The following TMPRSS13 variants were observed in gnomAD, a reference collection of about 807,000 sequenced individuals.
The protein encoded by TMPRSS13 is transmembrane protease serine 13.
TMPRSS13 carries 50 observed loss-of-function variants against 68.4 expected under a neutral mutation model. That is an observed-to-expected ratio of 0.73 (90% CI 0.58 to 0.93). The LOEUF is 0.93. Ranked by LOEUF, TMPRSS13 falls within the 40% of genes least tolerant of loss-of-function variation. TMPRSS13 has a pLI of 0.00. For synonymous variants in TMPRSS13, 267 were observed against 285.8 expected, an observed-to-expected ratio of 0.93 and a Z score of 0.66; for missense variants, 615 against 729.2, an observed-to-expected ratio of 0.84 and a Z score of 1.80.
At chr11:117,917,428 T>C (rs1037753324) in intron 2 of TMPRSS13, among the ~76,000 whole-genome samples, 154 bp from the exon 3 acceptor site, 5 of 152,036 alleles carry the variant, frequency 3.3e-5, no homozygotes, top group Admixed American at 2.6e-4. Context: ...TCAAAGTCAA[T>C]TGAATGAATG....
intron 1 of TMPRSS13, among the ~76,000 whole-genome samples, chr11:117,926,568 G>A (rs1465648553): frequency 6.6e-6 from 1 of 152,234 alleles, no homozygotes; most frequent in Non-Finnish European, 1.5e-5. Flanking sequence ...TCATCAATGG[G>A]TCTAATTCAG....
At chr11:117,918,961 C>T (rs1565352571) in intron 1 of TMPRSS13, 123 bp from the exon 2 acceptor site, 34 of 1,353,352 alleles carry the variant, frequency 2.5e-5, no homozygotes, top group South Asian at 8.2e-5. Flanking sequence ...CAAAGCCCCC[C>T]GGACAAGGAA....
At chr11:117,925,221 G>T (rs1321194633) in intron 1 of TMPRSS13, among the ~76,000 whole-genome samples, 1 of 152,150 alleles carries the variant, frequency 6.6e-6, no homozygotes, top group Admixed American at 6.5e-5. Flanking sequence ...TTCATACAGC[G>T]GAGTCAACAT....
chr11:117,906,714 C>T (rs2134879781), intron 9 of TMPRSS13, among the ~76,000 whole-genome samples: 1 of 148,854 alleles, frequency 6.7e-6, no homozygotes, highest in South Asian at 2.1e-4. Context: ...AAAAATGCAG[C>T]ATAGGATTTT....
chr11:117,926,464 A>G (rs2057709025), intron 1 of TMPRSS13, among the ~76,000 whole-genome samples: 1 of 152,160 alleles, frequency 6.6e-6, no homozygotes, highest in Non-Finnish European at 1.5e-5. Context: ...GTTCTCACCA[A>G]TCCCTAGCAC....
rs2057602562 is a variant in TMPRSS13 at position 117,918,520 on chromosome 11, T to C, written c.340A>G (p.Thr114Ala). ...ACAAGGTACACTCTGGTTGGGGAGG[T>C]TGTCACCGAGGCTGACCTGGCGGAT... is the stretch of plus-strand genomic sequence containing the variant. ...SSSARSASVT[T>A]SPTRVYLVRA... Residue 114 changes from threonine to alanine, a missense_variant, in exon 2 of 13, where the codon ACC becomes GCC. Transcript: ENST00000524993. The C allele has an allele frequency of 1.9e-6, 3 of 1,613,898 alleles. No individual in the cohort carries two copies. The highest frequency in any genetic ancestry group is 1.3e-5 in the African/African-American group (1 of 74,858).
intron 2 of TMPRSS13, 134 bp downstream of exon 2, chr11:117,918,275 A>C: frequency 8.8e-7 from 1 of 1,140,086 alleles, no homozygotes; most frequent in Non-Finnish European, 1.2e-6. Flanking sequence ...CAGGTCCCTC[A>C]CTTCCCACCC....
At chr11:117,925,176 T>C (rs1487232189) in intron 1 of TMPRSS13, among the ~76,000 whole-genome samples, 2 of 152,222 alleles carry the variant, frequency 1.3e-5, no homozygotes, top group Non-Finnish European at 2.9e-5. Context: ...TCTGAGCCCT[T>C]ACCCCACCTC....
Position 117,910,809 on chromosome 11 carries a change from C to G in TMPRSS13, c.903-59G>C, listed in dbSNP as rs967060637. ...CACATTAGCTACCTCCTCCAGGAAGCCTTCCTGATTGACTCCTGCTCAGTT... is the reference window on the plus strand; with the variant it reads ...CACATTAGCTACCTCCTCCAGGAAGGCTTCCTGATTGACTCCTGCTCAGTT... On this transcript the variant is annotated intron_variant, in intron 6 of 12. Transcript: ENST00000524993. 12 of 1,499,600 alleles carry G rather than the reference C, an allele frequency of 8.0e-6. No individual in the cohort carries two copies. In the African/African-American group the frequency reaches 1.7e-4, roughly 21 times the overall value. 92.9% of individuals were successfully genotyped at this position (1,499,600 alleles called of 1,614,324 possible). A position where few individuals can be genotyped will look rare whatever the true frequency, so the allele number is the denominator to read the frequency against.
intron 8 of TMPRSS13, among the ~76,000 whole-genome samples, chr11:117,909,029 C>T (rs1165658136): frequency 1.3e-5 from 2 of 151,764 alleles, no homozygotes; most frequent in East Asian, 1.9e-4. Flanking sequence ...TGAGTAAGAC[C>T]TCTGTGTGGC....
intron 10 of TMPRSS13, among the ~76,000 whole-genome samples, chr11:117,905,070 T>C (rs903003193): frequency 1.3e-5 from 2 of 151,232 alleles, no homozygotes; most frequent in Non-Finnish European, 3.0e-5. Context: ...AATTTTTCTA[T>C]TTTTTGTAGA....
Position 117,914,976 on chromosome 11 carries a change from C to G in TMPRSS13, c.557-462G>C, listed in dbSNP as rs998718578. ...AGTCACACAGGCAACCACCGTCTGT[C>G]TGTTCTCAAAGGCGACCATCCTTCC... On this transcript the variant is annotated intron_variant, in intron 3 of 12. Coordinates refer to ENST00000524993, the MANE Select transcript of TMPRSS13 (RefSeq NM_001077263.3). The surrounding 1 kb of genome is among the most constrained non-coding windows in gnomAD (Gnocchi z 4.2). 2.6e-5 allele frequency among the ~76,000 whole-genome samples: 4 copies of G among 152,176 alleles called. No individual in the cohort carries two copies. The highest frequency in any genetic ancestry group is 9.7e-5 in the African/African-American group (4 of 41,438).
chr11:117,912,554 C>T (rs1801878667), intron 5 of TMPRSS13, among the ~76,000 whole-genome samples: 1 of 152,222 alleles, frequency 6.6e-6, no homozygotes, highest in African/African-American at 2.4e-5. Context: ...CTGCATGGAA[C>T]ATATGTATAT....
chr11:117,908,822 C>T, intron 8 of TMPRSS13, 38 bp from the exon 9 acceptor site: 1 of 1,540,438 alleles, frequency 6.5e-7, no homozygotes, highest in South Asian at 1.2e-5. Context: ...CAGTACCTGC[C>T]TGGCAGCGTT....
At chr11:117,925,830 C>T (rs567765540) in intron 1 of TMPRSS13, among the ~76,000 whole-genome samples, 2 of 152,386 alleles carry the variant, frequency 1.3e-5, no homozygotes, top group South Asian at 4.1e-4. Context: ...GTCCTTCCCA[C>T]CCAGCTCCCC....
At position 117,910,729 on chromosome 11, in the gene TMPRSS13, C is replaced by T. The variant is rs751395228; in HGVS notation, c.924G>A (p.Arg308=). The part of the protein sequence containing the change: ...SLHRSECPSQ[R]YISLQCSHCG... Reference sequence around the variant, plus strand: ...TACGGGAACACTGGAGAGAGATATACCGCTGGGAAGGGCATTCAGACCTGC... The same window carrying T: ...TACGGGAACACTGGAGAGAGATATATCGCTGGGAAGGGCATTCAGACCTGC... Residue 308 remains arginine, a synonymous_variant, in exon 7 of 13, where the codon CGG becomes CGA. Transcript: ENST00000524993. The T allele has an allele frequency of 3.7e-6, 6 of 1,608,884 alleles. No homozygotes were observed. The South Asian group carries it at 4.4e-5, about 12-fold the overall frequency.
At chr11:117,927,804 A>G (rs1166529887) in intron 1 of TMPRSS13, among the ~76,000 whole-genome samples, 1 of 152,226 alleles carries the variant, frequency 6.6e-6, no homozygotes, top group Non-Finnish European at 1.5e-5. Context: ...TAAGAATGTA[A>G]TGATTCCATT....
At chr11:117,908,852 C>T in intron 8 of TMPRSS13, 68 bp from the exon 9 acceptor site, 4 of 1,446,108 alleles carry the variant, frequency 2.8e-6, no homozygotes, top group Non-Finnish European at 3.7e-6. Flanking sequence ...CCCCTGCTAC[C>T]TACAGGGAGC....
At chr11:117,909,540 C>T (rs1251787634) in intron 8 of TMPRSS13, among the ~76,000 whole-genome samples, 2 of 152,242 alleles carry the variant, frequency 1.3e-5, no homozygotes, top group Non-Finnish European at 2.9e-5. Context: ...CAGGGGCAGG[C>T]TCCCAGTCCC....
Sources: allele counts gnomAD v4.1 joint callset (sites outside exome capture counted in the v4.1 genomes callset), GRCh38; gene constraint gnomAD v4.1.1; non-coding constraint Gnocchi (gnomAD v3.1); transcripts MANE v1.5; gene names NCBI Gene and HGNC (gene_info 2026-07-23, HGNC 2026-07-21).